Variants in CDH18 observed in about 807,000 individuals in gnomAD.
CDH18 encodes the protein cadherin 18.
Under a neutral mutation model 67.9 loss-of-function variants are expected in CDH18, and 31 were observed. That is an observed-to-expected ratio of 0.46 (90% CI 0.34 to 0.62). The LOEUF is 0.62. Ranked by LOEUF, CDH18 falls within the 20% of genes least tolerant of loss-of-function variation. The probability of loss-of-function intolerance (pLI) is 0.01; values close to 1 mark genes in which losing one functional copy is unlikely to be tolerated. For synonymous variants in CDH18, 362 were observed against 347.2 expected, an observed-to-expected ratio of 1.04 and a Z score of -0.48; for missense variants, 890 against 975.5, an observed-to-expected ratio of 0.91 and a Z score of 1.17.
chr5:20,555,049 C>A (rs117841831), intron 1 of CDH18, among the ~76,000 whole-genome samples: 85 of 152,088 alleles, frequency 5.6e-4, no homozygotes, highest in Non-Finnish European at 9.6e-4. Flanking sequence ...TACATGTTGC[C>A]GTAACCCCCA....
intron 2 of CDH18, among the ~76,000 whole-genome samples, chr5:20,146,215 C>T (rs574748136): frequency 1.3e-5 from 2 of 152,028 alleles, no homozygotes; most frequent in Admixed American, 6.6e-5. Context: ...AGTAGCCTGT[C>T]TTCCCAACCC....
At chr5:20,282,052 C>T (rs1176909265) in intron 1 of CDH18, among the ~76,000 whole-genome samples, 1 of 152,100 alleles carries the variant, frequency 6.6e-6, no homozygotes, top group Non-Finnish European at 1.5e-5. Flanking sequence ...GTGATTTTTG[C>T]ACATTGATTT....
intron 1 of CDH18, among the ~76,000 whole-genome samples, chr5:20,261,262 T>A (rs1473174904): frequency 6.6e-6 from 1 of 152,154 alleles, no homozygotes; most frequent in Admixed American, 6.5e-5. Context: ...TAAATTGTAC[T>A]TAACAAAAAC....
chr5:19,595,852 G>A (rs932956812), intron 6 of CDH18, among the ~76,000 whole-genome samples: 1 of 152,264 alleles, frequency 6.6e-6, no homozygotes, highest in East Asian at 1.9e-4. Flanking sequence ...TAAACTAAAT[G>A]TCCGAATAAA....
chr5:19,667,507 TACAC>T (rs35326145), intron 5 of CDH18, among the ~76,000 whole-genome samples: 32 of 129,254 alleles, frequency 2.5e-4, no homozygotes, highest in African/African-American at 9.5e-4. Flanking sequence ...TATATATATA[TACAC>T]ACACACACAC....
intron 12 of CDH18, among the ~76,000 whole-genome samples, chr5:19,475,818 T>C (rs1353424443): frequency 6.6e-6 from 1 of 152,070 alleles, no homozygotes; most frequent in East Asian, 1.9e-4. Context: ...TGAATGGTTG[T>C]GAATCAAACA....
rs1561069415 is a variant in CDH18, at chr5:20,501,570, ATATATATATATTATATATATATAT to A, written c.-580+73868_-580+73891del. Among the ~76,000 whole-genome samples, 172 of 21,242 alleles carry A rather than the reference ATATATATATATTATATATATATAT, an allele frequency of 8.1e-3. 4 individuals are homozygous for A. Among genetic ancestry groups the A allele is most frequent in the African/African-American group, 0.022 (156 of 7,040 alleles). The allele number at this position is 21,242 out of a possible 152,430, so 13.9% of individuals were successfully genotyped here. ...ATTATATATATAATATATATATATA[ATATATATATATTATATATATATAT>A]TATATATATATATATATATATGGAG... On this transcript the variant is annotated intron_variant, in intron 1 of 14. Transcript: ENST00000507958.
chr5:20,211,285 G>A (rs1740332529), intron 2 of CDH18, among the ~76,000 whole-genome samples: 1 of 152,122 alleles, frequency 6.6e-6, no homozygotes, highest in Non-Finnish European at 1.5e-5. Flanking sequence ...AATGAGGCCT[G>A]CCTGCCTCTG....
intron 1 of CDH18, among the ~76,000 whole-genome samples, chr5:20,448,332 C>T (rs996663601): frequency 6.6e-6 from 1 of 151,010 alleles, no homozygotes; most frequent in Non-Finnish European, 1.5e-5. Context: ...TGACAATGAA[C>T]ATTTATCACA....
At chr5:19,683,786 T>C (rs767468419) in intron 5 of CDH18, among the ~76,000 whole-genome samples, 22 of 152,296 alleles carry the variant, frequency 1.4e-4, no homozygotes, top group Non-Finnish European at 3.1e-4. Context: ...ATTACAATTT[T>C]ACTTAGGCAC....
chr5:19,611,872 CT>C (rs1235545507), intron 6 of CDH18, among the ~76,000 whole-genome samples: 1 of 151,128 alleles, frequency 6.6e-6, no homozygotes, highest in Non-Finnish European at 1.5e-5. Flanking sequence ...CTGAATTATG[CT>C]TTCTGTTTTC....
intron 4 of CDH18, among the ~76,000 whole-genome samples, chr5:19,731,750 C>T (rs2150639482): frequency 6.6e-6 from 1 of 152,258 alleles, no homozygotes; most frequent in Non-Finnish European, 1.5e-5. Flanking sequence ...TTGAGATAAG[C>T]TTCCATTTTA....
At chr5:19,702,595 G>A (rs1197476871) in intron 5 of CDH18, among the ~76,000 whole-genome samples, 17 of 151,886 alleles carry the variant, frequency 1.1e-4, no homozygotes, top group Admixed American at 3.9e-4. Flanking sequence ...GTAAAACCCC[G>A]TCTCTACTAA....
chr5:20,199,590 G>A (rs989564968), intron 2 of CDH18, among the ~76,000 whole-genome samples: 2 of 152,082 alleles, frequency 1.3e-5, no homozygotes, highest in Non-Finnish European at 2.9e-5. Context: ...GTTAATTCTG[G>A]AATGAGTTAA....
Position 19,483,477 on chromosome 5 carries a change from A to G in CDH18, c.1706T>C (p.Met569Thr), listed in dbSNP as rs1739838758. Residue 569 changes from methionine (M) to threonine (T), a missense_variant, in exon 12 of 13, where the codon ATG becomes ACG. Coordinates refer to ENST00000382275, the MANE Select transcript of CDH18 (RefSeq NM_004934.5). ...AGAGGGGATTCCACCATCAGAGATC[A>G]TAATGGGCAGATAATACACATCCTG... ...TVQDVYYLPI[M>T]ISDGGIPSLS... The G allele has an allele frequency of 1.9e-6, 3 of 1,614,166 alleles. No individual in the cohort carries two copies. Among genetic ancestry groups the G allele is most frequent in the Non-Finnish European group, 2.5e-6 (3 of 1,180,002 alleles).
intron 1 of CDH18, among the ~76,000 whole-genome samples, chr5:20,386,401 C>A (rs572474750): frequency 6.6e-6 from 1 of 152,266 alleles, no homozygotes; most frequent in South Asian, 2.1e-4. Context: ...TGGCATCTTT[C>A]TCAGAAATAA....
intron 2 of CDH18, among the ~76,000 whole-genome samples, chr5:20,061,040 C>T (rs759683395): frequency 6.6e-5 from 10 of 151,710 alleles, no homozygotes; most frequent in South Asian, 4.1e-4. Context: ...ATTTTATACA[C>T]GCAAATAATT....
intron 5 of CDH18, among the ~76,000 whole-genome samples, chr5:19,646,300 T>TA (rs1261721698): frequency 2.0e-5 from 3 of 151,832 alleles, no homozygotes; most frequent in African/African-American, 7.3e-5. Flanking sequence ...AAAGTGCATT[T>TA]AAAAAAAATA....
chr5:20,327,809 G>A (rs886199716), intron 1 of CDH18, among the ~76,000 whole-genome samples: 3 of 152,028 alleles, frequency 2.0e-5, no homozygotes, highest in Non-Finnish European at 4.4e-5. Flanking sequence ...AGGGCAAGGT[G>A]GGAGGATCAC....
Sources: allele counts gnomAD v4.1 joint callset (sites outside exome capture counted in the v4.1 genomes callset), GRCh38; gene constraint gnomAD v4.1.1; transcripts MANE v1.5; gene names NCBI Gene and HGNC (gene_info 2026-07-23, HGNC 2026-07-21).